The following PTGER3 variants were observed in gnomAD, a reference collection of about 807,000 sequenced individuals.
PTGER3 encodes prostaglandin E2 receptor EP3 subtype.
A neutral mutation model predicts 34.7 loss-of-function variants in PTGER3; 22 were observed. The observed-to-expected ratio is 0.63, with a 90% CI of 0.45 to 0.91. The LOEUF is 0.91. PTGER3 is among the 40% of genes least tolerant of loss of function. The probability of loss-of-function intolerance (pLI) is 0.00; values close to 1 mark genes in which losing one functional copy is unlikely to be tolerated. For synonymous variants in PTGER3, 241 were observed against 230.1 expected (o/e 1.05, Z -0.43); for missense variants, 468 against 519.4 (o/e 0.90, Z 0.96).
chr1:71,020,363 T>C (rs980153850), intron 1 of PTGER3, among the ~76,000 whole-genome samples: 21 of 152,202 alleles, frequency 1.4e-4, no homozygotes, highest in Non-Finnish European at 4.4e-5. Flanking sequence ...GTAAATTATA[T>C]TGCTAGTTTT....
intron 2 of PTGER3, among the ~76,000 whole-genome samples, chr1:70,962,997 A>G (rs1652097072): frequency 6.6e-6 from 1 of 152,226 alleles, no homozygotes; most frequent in African/African-American, 2.4e-5. Context: ...GGGTACAGGC[A>G]TTTGGTAAAT....
intron 2 of PTGER3, among the ~76,000 whole-genome samples, chr1:70,987,617 G>A (rs149912179): frequency 1.3e-5 from 2 of 152,304 alleles, no homozygotes; most frequent in African/African-American, 4.8e-5. Context: ...AGTCCCTGAA[G>A]CTGCAGGTGT....
intron 1 of PTGER3, among the ~76,000 whole-genome samples, chr1:71,040,143 GAAAA>G (rs1170999127): frequency 1.4e-5 from 2 of 146,326 alleles, no homozygotes; most frequent in African/African-American, 2.5e-5. Flanking sequence ...AAGAGAGAAA[GAAAA>G]AAAGAAAGAA....
chr1:71,004,236 C>A (rs1345044481), intron 2 of PTGER3, among the ~76,000 whole-genome samples: 1 of 152,026 alleles, frequency 6.6e-6, no homozygotes, highest in African/African-American at 2.4e-5. Context: ...AGATTAGGTC[C>A]CTCATTCTAA....
In PTGER3 at chr1:70,914,777, A is replaced by G. The variant is rs180685364; in HGVS notation, c.*23+38986T>C. Reference sequence around the variant, plus strand: ...TCATTAGTTAACTGGGATGATTTATATCAAGTAGATGGGACTTGAAGAAAA... The same window carrying G: ...TCATTAGTTAACTGGGATGATTTATGTCAAGTAGATGGGACTTGAAGAAAA... On this transcript the variant is annotated intron_variant, in intron 4 of 4. Transcript: ENST00000370931. 3.8e-3 allele frequency among the ~76,000 whole-genome samples: 580 copies of G among 152,080 alleles called. 4 individuals carry two copies. The highest frequency in any genetic ancestry group is 0.013 in the African/African-American group (556 of 41,564).
chr1:70,949,273 T>C (rs1345315426), downstream of PTGER3, among the ~76,000 whole-genome samples: 1 of 152,168 alleles, frequency 6.6e-6, no homozygotes, highest in Non-Finnish European at 1.5e-5. Context: ...ACATTGCCTG[T>C]GCCCTAAATT....
intron 4 of PTGER3, among the ~76,000 whole-genome samples, chr1:70,887,835 C>G (rs1018008314): frequency 1.3e-5 from 2 of 151,124 alleles, no homozygotes; most frequent in Non-Finnish European, 2.9e-5. Flanking sequence ...AAACTGCAGA[C>G]CACTATGTAA....
At chr1:70,896,828 T>C (rs1557638368) in intron 4 of PTGER3, among the ~76,000 whole-genome samples, 1 of 152,144 alleles carries the variant, frequency 6.6e-6, no homozygotes, top group Non-Finnish European at 1.5e-5. Flanking sequence ...CAGACTCTCC[T>C]TGACATAGCA....
chr1:70,901,157 C>A (rs968707351), intron 4 of PTGER3, among the ~76,000 whole-genome samples: 1 of 152,150 alleles, frequency 6.6e-6, no homozygotes, highest in African/African-American at 2.4e-5. Context: ...AGGCCTGAAA[C>A]TTGGGACACT....
chr1:70,953,139 G>A, intron 3 of PTGER3: 5 of 1,220,536 alleles, frequency 4.1e-6, no homozygotes, highest in Admixed American at 2.7e-5. Context: ...AAATAAAAAG[G>A]TGATACAGTA....
chr1:70,940,001 A>G (rs1649608998), intron 4 of PTGER3, among the ~76,000 whole-genome samples: 1 of 152,242 alleles, frequency 6.6e-6, no homozygotes, highest in Non-Finnish European at 1.5e-5. Flanking sequence ...AATTTTCCAA[A>G]CTTTTAAGCT....
chr1:70,970,588 C>G (rs1436028281), downstream of PTGER3, among the ~76,000 whole-genome samples: 1 of 151,956 alleles, frequency 6.6e-6, no homozygotes, highest in Non-Finnish European at 1.5e-5. Flanking sequence ...CCCAAGATGT[C>G]CTATAGGTGA....
At chr1:71,004,592 G>A (rs1287848891) in intron 2 of PTGER3, among the ~76,000 whole-genome samples, 1 of 152,204 alleles carries the variant, frequency 6.6e-6, no homozygotes, top group Non-Finnish European at 1.5e-5. Context: ...GAATTGTCTG[G>A]AAATGTGTAC....
intron 1 of PTGER3, among the ~76,000 whole-genome samples, chr1:71,034,469 T>C (rs1172530307): frequency 1.3e-5 from 2 of 152,224 alleles, no homozygotes; most frequent in Non-Finnish European, 2.9e-5. Flanking sequence ...GCAGTCATTT[T>C]ATGTAAATGC....
chr1:70,865,953 A>C (rs1190660319), intron 4 of PTGER3: 2 of 494,964 alleles, frequency 4.0e-6, no homozygotes, highest in Non-Finnish European at 3.2e-6. Flanking sequence ...ATTCCTACTC[A>C]TTTCTTCTTC....
At chr1:70,896,661 A>T (rs1646727334) in intron 4 of PTGER3, among the ~76,000 whole-genome samples, 1 of 152,174 alleles carries the variant, frequency 6.6e-6, no homozygotes, top group Non-Finnish European at 1.5e-5. Context: ...GCTTTTTGAA[A>T]TTCTACTAGT....
chr1:71,041,589 T>C (rs1660317325), intron 1 of PTGER3, among the ~76,000 whole-genome samples: 1 of 152,214 alleles, frequency 6.6e-6, no homozygotes, highest in Non-Finnish European at 1.5e-5. Context: ...TTACCATCTT[T>C]ATGAAAGTTG....
chr1:70,938,142 G>A (rs1180513048), intron 4 of PTGER3, among the ~76,000 whole-genome samples: 2 of 152,114 alleles, frequency 1.3e-5, no homozygotes, highest in African/African-American at 4.8e-5. Context: ...TTTAGCAAAA[G>A]TCTTATTTTA....
At chr1:70,973,475 C>T (rs1483944351) in intron 3 of PTGER3, among the ~76,000 whole-genome samples, 2 of 152,040 alleles carry the variant, frequency 1.3e-5, no homozygotes. Flanking sequence ...TCTCAGTTCC[C>T]TCAACCATGA....
Sources: gnomAD v4.1 joint callset for allele counts (sites outside exome capture counted in the v4.1 genomes callset) on GRCh38, gnomAD v4.1.1 for gene constraint, MANE v1.5 for transcripts, NCBI Gene and HGNC (gene_info 2026-07-23, HGNC 2026-07-21) for gene names.